The following CDKAL1 variants were observed in gnomAD, a reference collection of about 807,000 sequenced individuals.
CDKAL1 encodes CDKAL1 threonylcarbamoyladenosine tRNA methylthiotransferase, also known as threonylcarbamoyladenosine tRNA methylthiotransferase.
In CDKAL1, 32 loss-of-function variants were observed where a neutral mutation model predicts 68.2. The ratio of observed to expected loss-of-function variants is 0.47; its 90% CI spans 0.35 to 0.63. The LOEUF (loss-of-function observed/expected upper bound fraction) is 0.63. Ranked by LOEUF, CDKAL1 falls within the 30% of genes least tolerant of loss-of-function variation. The pLI, the probability that CDKAL1 is intolerant of heterozygous loss-of-function variation, is 0.00. For missense variants in CDKAL1, 606 were observed against 696.7 expected (o/e 0.87, Z 1.47); for synonymous variants, 234 against 244.3 (o/e 0.96, Z 0.39).
At chr6:21,167,656 T>C (rs1009378981) in intron 13 of CDKAL1, among the ~76,000 whole-genome samples, 2 of 152,226 alleles carry the variant, frequency 1.3e-5, no homozygotes, top group Non-Finnish European at 2.9e-5. Flanking sequence ...AGATGGCTAC[T>C]GCAAAGCTTG....
chr6:21,090,028 T>C (rs1038633775), intron 12 of CDKAL1, among the ~76,000 whole-genome samples: 4 of 152,218 alleles, frequency 2.6e-5, no homozygotes, highest in Non-Finnish European at 5.9e-5. Flanking sequence ...CCTCATTCTT[T>C]GAATTTATGG....
intron 9 of CDKAL1, among the ~76,000 whole-genome samples, chr6:20,942,366 CTTTTT>C (rs70990083): frequency 4.0e-5 from 5 of 124,870 alleles, no homozygotes; most frequent in Admixed American, 8.0e-5. Flanking sequence ...TATATATATA[CTTTTT>C]TTTTTTTTTT....
intron 9 of CDKAL1, among the ~76,000 whole-genome samples, chr6:20,852,940 G>T (rs1422910773): frequency 6.6e-6 from 1 of 152,180 alleles, no homozygotes; most frequent in African/African-American, 2.4e-5. Context: ...TCCAGGAGTG[G>T]TGAAGGTTTC....
intron 13 of CDKAL1, among the ~76,000 whole-genome samples, chr6:21,152,955 C>G (rs1776482495): frequency 6.6e-6 from 1 of 152,166 alleles, no homozygotes; most frequent in Admixed American, 6.5e-5. Flanking sequence ...TTTTGAAACA[C>G]TGTTCCATTT....
intron 13 of CDKAL1, among the ~76,000 whole-genome samples, chr6:21,159,522 T>A (rs980204554): frequency 6.6e-6 from 1 of 152,194 alleles, no homozygotes; most frequent in Non-Finnish European, 1.5e-5. Context: ...TGTGTGTGAT[T>A]ATTTGATCAC....
At chr6:20,987,803 A>G (rs1430641641) in intron 10 of CDKAL1, among the ~76,000 whole-genome samples, 1 of 152,048 alleles carries the variant, frequency 6.6e-6, no homozygotes, top group South Asian at 2.1e-4. Context: ...TTTTTGGGAC[A>G]GGGTCTTACT....
chr6:20,838,906 C>T (rs1236699584), intron 8 of CDKAL1, among the ~76,000 whole-genome samples: 3 of 150,408 alleles, frequency 2.0e-5, no homozygotes, highest in Admixed American at 1.3e-4. Context: ...ACCTGGGAGG[C>T]GGAGCTTGCA....
At chr6:21,055,204 T>C (rs1032513382) in intron 11 of CDKAL1, among the ~76,000 whole-genome samples, 1 of 152,210 alleles carries the variant, frequency 6.6e-6, no homozygotes, top group Non-Finnish European at 1.5e-5. Flanking sequence ...ATTTCTTGGA[T>C]TTAAAAAGTG....
chr6:20,849,350 A>G (rs1581695578), intron 9 of CDKAL1, among the ~76,000 whole-genome samples: 1 of 152,076 alleles, frequency 6.6e-6, no homozygotes, highest in Non-Finnish European at 1.5e-5. Flanking sequence ...TTGGGAGGCC[A>G]AGGCGGGTGG....
At chr6:21,122,937 C>G (rs1388199447) in intron 13 of CDKAL1, among the ~76,000 whole-genome samples, 2 of 151,662 alleles carry the variant, frequency 1.3e-5, no homozygotes, top group African/African-American at 4.8e-5. Flanking sequence ...TGAGCCACCT[C>G]TCCCAGCTGG....
intron 9 of CDKAL1, among the ~76,000 whole-genome samples, chr6:20,857,890 C>T (rs1443374338): frequency 2.0e-5 from 3 of 152,258 alleles, no homozygotes; most frequent in Non-Finnish European, 2.9e-5. Flanking sequence ...GATGAAGTCT[C>T]GCTCTGTCGC....
At chr6:20,969,264 T>C (rs973759548) in intron 10 of CDKAL1, among the ~76,000 whole-genome samples, 1 of 152,148 alleles carries the variant, frequency 6.6e-6, no homozygotes, top group Non-Finnish European at 1.5e-5. Flanking sequence ...AATGCACGTG[T>C]GTTATGTGTA....
chr6:21,123,213 G>A (rs1774818015), intron 13 of CDKAL1, among the ~76,000 whole-genome samples: 1 of 152,132 alleles, frequency 6.6e-6, no homozygotes, highest in Non-Finnish European at 1.5e-5. Flanking sequence ...CCAACACTTT[G>A]AGAGGCTGAG....
At chr6:20,745,341 T>G (rs1246742201) in intron 6 of CDKAL1, among the ~76,000 whole-genome samples, 1 of 152,208 alleles carries the variant, frequency 6.6e-6, no homozygotes, top group African/African-American at 2.4e-5. Flanking sequence ...ATTCACAAAG[T>G]GGAGCAGTGT....
Position 20,614,818 on chromosome 6 carries a change from G to A in CDKAL1, c.287-34475G>A, listed in dbSNP as rs189893291. 3.5e-4 allele frequency among the ~76,000 whole-genome samples: 53 copies of A among 151,950 alleles called. No homozygotes were observed. The East Asian group carries it at 7.2e-3, about 21-fold the overall frequency. On this transcript the variant is annotated intron_variant, in intron 4 of 15. Coordinates refer to ENST00000274695, the MANE Select transcript of CDKAL1 (RefSeq NM_017774.3). Reference sequence around the variant, plus strand: ...TTATACTTTAAGTTTTAGGGTACATGTGCACATTGTGCAGGTTAGTTACAT... The same window carrying A: ...TTATACTTTAAGTTTTAGGGTACATATGCACATTGTGCAGGTTAGTTACAT...
intron 2 of CDKAL1, among the ~76,000 whole-genome samples, chr6:20,544,373 G>A (rs564506083): frequency 1.3e-5 from 2 of 151,384 alleles, no homozygotes; most frequent in East Asian, 2.0e-4. Flanking sequence ...CGAGACGGGC[G>A]GATCGCGAGG....
intron 12 of CDKAL1, among the ~76,000 whole-genome samples, chr6:21,088,655 T>A (rs1346797236): frequency 1.4e-4 from 21 of 152,148 alleles, no homozygotes; most frequent in Admixed American, 1.4e-3. Flanking sequence ...AAAATTAATA[T>A]GATAGGCTGG....
chr6:20,653,007 C>T (rs1768844076), intron 5 of CDKAL1, among the ~76,000 whole-genome samples: 1 of 152,130 alleles, frequency 6.6e-6, no homozygotes, highest in Non-Finnish European at 1.5e-5. Context: ...TGAACTTATA[C>T]TGTTTGTGTT....
chr6:20,854,322 G>A (rs1013542042), intron 9 of CDKAL1, among the ~76,000 whole-genome samples: 2 of 152,172 alleles, frequency 1.3e-5, no homozygotes, highest in Admixed American at 6.5e-5. Context: ...GAATCCCGAG[G>A]CTTCTGTTAT....
Sources: gnomAD v4.1 joint callset for allele counts (sites outside exome capture counted in the v4.1 genomes callset) on GRCh38, gnomAD v4.1.1 for gene constraint, MANE v1.5 for transcripts, NCBI Gene and HGNC (gene_info 2026-07-23, HGNC 2026-07-21) for gene names.